Variants in CBLB observed in about 807,000 individuals in gnomAD.
CBLB encodes the protein Cbl proto-oncogene B.
Under a neutral mutation model 104.9 loss-of-function variants are expected in CBLB, and 31 were observed. That is an observed-to-expected ratio of 0.30 (90% CI 0.22 to 0.40). The LOEUF is 0.40. Ranked by LOEUF, CBLB falls within the 10% of genes least tolerant of loss-of-function variation. The pLI, the probability that CBLB is intolerant of heterozygous loss-of-function variation, is 1.00. For synonymous variants in CBLB, 440 were observed against 422.6 expected, an observed-to-expected ratio of 1.04 and a Z score of -0.51; for missense variants, 1,062 against 1,214.6, an observed-to-expected ratio of 0.87 and a Z score of 1.87.
chr3:105,725,204 T>C (rs1318603793), intron 9 of CBLB, among the ~76,000 whole-genome samples: 1 of 152,226 alleles, frequency 6.6e-6, no homozygotes, highest in African/African-American at 2.4e-5. Context: ...ACATAAAATG[T>C]ATCTGAATAA....
intron 3 of CBLB, among the ~76,000 whole-genome samples, chr3:105,834,135 T>C (rs1329114057): frequency 1.3e-5 from 2 of 151,704 alleles, no homozygotes; most frequent in African/African-American, 2.4e-5. Context: ...GGTCAAAGGA[T>C]ACGAAATTTC....
At chr3:105,704,287 A>G in intron 10 of CBLB, 114 bp from the exon 11 acceptor site, 1 of 948,622 alleles carries the variant, frequency 1.1e-6, no homozygotes, top group African/African-American at 1.6e-5. Context: ...ATTTGTTAAA[A>G]TGAATTCCCT....
In CBLB at chr3:105,732,632, AT is replaced by A. The variant is rs774613077; in HGVS notation, c.1203+1376del. ...CCTCTTTTCCTCATCCATTAAAAAA[AT>A]ATTCACAAAAGAAGAAGCAGGCCCT... On this transcript the variant is annotated intron_variant, in intron 9 of 18. Coordinates refer to ENST00000394030, the MANE Select transcript of CBLB (RefSeq NM_170662.5). Among the ~76,000 whole-genome samples the A allele has an allele frequency of 9.2e-5, 14 of 152,322 alleles. No individual in the cohort carries two copies. The South Asian group carries it at 2.7e-3, about 29-fold the overall frequency.
chr3:105,746,065 T>A (rs1369692463), intron 5 of CBLB, 27 bp from the exon 6 acceptor site: 1 of 1,460,600 alleles, frequency 6.8e-7, no homozygotes. Context: ...TTAAAAGAGA[T>A]TAGTATCTAG....
rs58640968 is a variant in CBLB at position 105,780,660 on chromosome 3, G to GTTTTTTTTTTTT, written c.420-4130_420-4119dup. Among the ~76,000 whole-genome samples, 40 of 94,034 alleles carry GTTTTTTTTTTTT rather than the reference G, an allele frequency of 4.3e-4. 2 individuals carry two copies. Among genetic ancestry groups the GTTTTTTTTTTTT allele is most frequent in the African/African-American group, 4.8e-4 (11 of 23,050 alleles). The allele number at this position is 94,034 out of a possible 152,430, so 61.7% of individuals were successfully genotyped here. ...TTTTACAATAAAAGTTTTGTTTTTT[G>GTTTTTTTTTTTT]TTTTTTTTTTTTTTTTTTTTGAGAT... On this transcript the variant is annotated intron_variant, in intron 3 of 18. Coordinates refer to ENST00000394030, the MANE Select transcript of CBLB (RefSeq NM_170662.5).
intron 3 of CBLB, among the ~76,000 whole-genome samples, chr3:105,803,050 C>T (rs1046642195): frequency 6.6e-6 from 1 of 152,186 alleles, no homozygotes; most frequent in Non-Finnish European, 1.5e-5. Context: ...AGTCTTTACA[C>T]AGCCAATATT....
chr3:105,693,548 ACAT>A lies in CBLB; in HGVS notation c.1997_1999del (p.Asp666del). On this transcript the variant is annotated inframe_deletion, in exon 13 of 19. Coordinates refer to ENST00000394030, the MANE Select transcript of CBLB (RefSeq NM_170662.5). ...AGGAGGAGGAGAAAGCCGGGGAGGA[ACAT>A]CATATTCTTCACTTCCAAGGTGACC... 1 of 1,612,706 alleles carries A rather than the reference ACAT, an allele frequency of 6.2e-7. No individual in the cohort carries two copies. Among genetic ancestry groups the A allele is most frequent in the Non-Finnish European group, 8.5e-7 (1 of 1,178,916 alleles).
chr3:105,766,015 T>C (rs1158649650), intron 4 of CBLB, among the ~76,000 whole-genome samples: 1 of 152,166 alleles, frequency 6.6e-6, no homozygotes, highest in Non-Finnish European at 1.5e-5. Flanking sequence ...TAAGAACATT[T>C]ATGATTCAAG....
At chr3:105,703,085 C>T (rs1284102835) in intron 11 of CBLB, among the ~76,000 whole-genome samples, 1 of 151,876 alleles carries the variant, frequency 6.6e-6, no homozygotes, top group South Asian at 2.1e-4. Context: ...CAGGCTGATT[C>T]TTACATAGAA....
intron 3 of CBLB, among the ~76,000 whole-genome samples, chr3:105,826,298 A>T (rs1188316007): frequency 6.6e-6 from 1 of 152,216 alleles, no homozygotes; most frequent in African/African-American, 2.4e-5. Flanking sequence ...AAGAAGTAAT[A>T]AAACCATATA....
intron 9 of CBLB, among the ~76,000 whole-genome samples, chr3:105,732,494 G>A (rs1007981896): frequency 8.5e-5 from 13 of 152,166 alleles, no homozygotes; most frequent in African/African-American, 2.9e-4. Flanking sequence ...AAATGCATAT[G>A]AAGAAGAGAA....
chr3:105,753,092 C>A (rs1270143317), intron 4 of CBLB, among the ~76,000 whole-genome samples: 3 of 152,020 alleles, frequency 2.0e-5, no homozygotes, highest in Non-Finnish European at 4.4e-5. Flanking sequence ...GTGATGGATA[C>A]ACAGCAAGGG....
chr3:105,665,708 T>C (rs931531442), intron 18 of CBLB, among the ~76,000 whole-genome samples: 1 of 148,904 alleles, frequency 6.7e-6, no homozygotes, highest in African/African-American at 2.4e-5. Context: ...AATACAATTA[T>C]ATATAATATT....
chr3:105,814,329 T>C lies in CBLB; in HGVS notation c.420-37787A>G, dbSNP rs368242779. On this transcript the variant is annotated intron_variant, in intron 3 of 18. Transcript: ENST00000394030. ...ATATACCTAAATCATTAATCAGTAT[T>C]ACTGAGACTGTTGATTCCCTTTTGT... Among the ~76,000 whole-genome samples the C allele has an allele frequency of 6.6e-5, 10 of 152,346 alleles. No individual in the cohort carries two copies. The East Asian group carries it at 1.9e-3, about 29-fold the overall frequency.
At chr3:105,764,018 A>G (rs2077951328) in intron 4 of CBLB, among the ~76,000 whole-genome samples, 1 of 152,224 alleles carries the variant, frequency 6.6e-6, no homozygotes, top group African/African-American at 2.4e-5. Context: ...TAAGGAACCC[A>G]AATATTTTGT....
chr3:105,686,726 GTA>G (rs2067056364), intron 13 of CBLB, among the ~76,000 whole-genome samples: 1 of 152,022 alleles, frequency 6.6e-6, no homozygotes, highest in African/African-American at 2.4e-5. Flanking sequence ...TTTTTCAAGT[GTA>G]TGTTTATTGA....
intron 16 of CBLB, among the ~76,000 whole-genome samples, chr3:105,679,380 A>G (rs553547695): frequency 6.7e-6 from 1 of 150,344 alleles, no homozygotes; most frequent in East Asian, 1.9e-4. Context: ...TTGGTAAGCT[A>G]TCTCAAAATA....
At chr3:105,753,219 AG>A (rs2076746679) in intron 4 of CBLB, among the ~76,000 whole-genome samples, 1 of 152,174 alleles carries the variant, frequency 6.6e-6, no homozygotes, top group Non-Finnish European at 1.5e-5. Flanking sequence ...CATTAAAAGA[AG>A]AAAAATATGA....
At chr3:105,848,910 C>A (rs1410609189) in intron 3 of CBLB, among the ~76,000 whole-genome samples, 2 of 152,064 alleles carry the variant, frequency 1.3e-5, no homozygotes, top group Non-Finnish European at 2.9e-5. Flanking sequence ...TGTTGCCTAA[C>A]TACCTTTGAT....
Sources: allele counts gnomAD v4.1 joint callset (sites outside exome capture counted in the v4.1 genomes callset), GRCh38; gene constraint gnomAD v4.1.1; transcripts MANE v1.5; gene names NCBI Gene and HGNC (gene_info 2026-07-23, HGNC 2026-07-21).